The following SEMA6D variants were observed in gnomAD, a reference collection of about 807,000 sequenced individuals.
The protein encoded by SEMA6D is semaphorin 6D.
SEMA6D carries 35 observed loss-of-function variants against 106.6 expected under a neutral mutation model. The observed-to-expected ratio is 0.33, with a 90% CI of 0.25 to 0.44. The LOEUF (loss-of-function observed/expected upper bound fraction) is 0.44. SEMA6D is among the 20% of genes least tolerant of loss of function. The pLI, the probability that SEMA6D is intolerant of heterozygous loss-of-function variation, is 1.00. For missense variants in SEMA6D, 1,185 were observed against 1,345.9 expected (o/e 0.88, Z 1.87); for synonymous variants, 499 against 487.7 (o/e 1.02, Z -0.31).
At chr15:47,730,961 T>C (rs2080082701) in intron 1 of SEMA6D, 4 of 680,428 alleles carry the variant, frequency 5.9e-6, no homozygotes. Flanking sequence ...GAGAGAGCAA[T>C]CTTCCTATTT....
chr15:47,513,301 A>G (rs2044289013), intron 3 of SEMA6D, among the ~76,000 whole-genome samples: 2 of 152,188 alleles, frequency 1.3e-5, no homozygotes, highest in East Asian at 3.9e-4. Context: ...TTATGCTACT[A>G]GTAGCCCACT....
chr15:47,767,138 T>C, intron 17 of SEMA6D, 45 bp downstream of exon 17: 1 of 1,326,730 alleles, frequency 7.5e-7, no homozygotes, highest in Non-Finnish European at 1.1e-6. Flanking sequence ...TTTTCTTTCC[T>C]TCAGTTCAGC....
At chr15:47,372,758 C>T (rs1229828635) in intron 1 of SEMA6D, among the ~76,000 whole-genome samples, 1 of 152,176 alleles carries the variant, frequency 6.6e-6, no homozygotes, top group East Asian at 1.9e-4. Context: ...AAAACTCCAG[C>T]AACTCCCTCC....
chr15:47,315,060 G>C (rs2036608563), intron 1 of SEMA6D, among the ~76,000 whole-genome samples: 2 of 151,294 alleles, frequency 1.3e-5, no homozygotes, highest in African/African-American at 4.9e-5. Context: ...TAGAGACGGG[G>C]TTTCACCGTG....
intron 2 of SEMA6D, among the ~76,000 whole-genome samples, chr15:47,439,750 C>T (rs1000752831): frequency 5.9e-5 from 9 of 152,178 alleles, no homozygotes; most frequent in African/African-American, 2.2e-4. Context: ...CAGACAATAA[C>T]AATCAGATGA....
chr15:47,327,820 T>G (rs549258993), intron 1 of SEMA6D, among the ~76,000 whole-genome samples: 1 of 152,286 alleles, frequency 6.6e-6, no homozygotes, highest in Non-Finnish European at 1.5e-5. Context: ...AGCTAAGACC[T>G]TTTCCAAGAG....
intron 1 of SEMA6D, among the ~76,000 whole-genome samples, chr15:47,215,604 C>G (rs538995829): frequency 4.6e-5 from 7 of 152,006 alleles, no homozygotes; most frequent in Admixed American, 1.3e-4. Context: ...ATATATGAGA[C>G]ACATATTCAT....
At chr15:47,587,947 C>T (rs2076372591) in intron 3 of SEMA6D, among the ~76,000 whole-genome samples, 1 of 152,108 alleles carries the variant, frequency 6.6e-6, no homozygotes, top group Admixed American at 6.5e-5. Flanking sequence ...TTTACTCAGA[C>T]AGTTGCCATC....
chr15:47,517,111 T>C (rs937332356), intron 3 of SEMA6D, among the ~76,000 whole-genome samples: 16 of 152,258 alleles, frequency 1.1e-4, no homozygotes, highest in Middle Eastern at 3.4e-3. Context: ...TTTAGTTCTT[T>C]AGCTGTACAA....
chr15:47,757,614 T>C (rs190514706), intron 1 of SEMA6D, among the ~76,000 whole-genome samples: 2 of 152,332 alleles, frequency 1.3e-5, no homozygotes, highest in East Asian at 3.9e-4. Context: ...TTGTTGGTGA[T>C]TGCTTTTTTG....
chr15:47,250,742 A>G (rs2033471176), intron 1 of SEMA6D, among the ~76,000 whole-genome samples: 1 of 152,198 alleles, frequency 6.6e-6, no homozygotes, highest in African/African-American at 2.4e-5. Context: ...CCAGATTGAG[A>G]GCTGAGGACC....
chr15:47,420,978 CT>C (rs2041135008), intron 2 of SEMA6D, among the ~76,000 whole-genome samples: 1 of 152,052 alleles, frequency 6.6e-6, no homozygotes, highest in Non-Finnish European at 1.5e-5. Context: ...CATAAAATTG[CT>C]ATTTCTCTTC....
chr15:47,704,819 T>C (rs189984013), intron 4 of SEMA6D, among the ~76,000 whole-genome samples: 1 of 152,290 alleles, frequency 6.6e-6, no homozygotes, highest in East Asian at 1.9e-4. Context: ...TATTTTCTTT[T>C]AAAAAAAGGA....
At chr15:47,506,782 A>G (rs1308464890) in intron 3 of SEMA6D, among the ~76,000 whole-genome samples, 1 of 152,212 alleles carries the variant, frequency 6.6e-6, no homozygotes, top group Non-Finnish European at 1.5e-5. Flanking sequence ...CCCATTGAGA[A>G]GAGATATTGA....
intron 4 of SEMA6D, among the ~76,000 whole-genome samples, chr15:47,668,600 G>A (rs1056424121): frequency 1.3e-5 from 2 of 152,150 alleles, no homozygotes; most frequent in Non-Finnish European, 2.9e-5. Context: ...AACCTACAGA[G>A]TGAGACCCTT....
chr15:47,388,000 A>G (rs2039898742), intron 1 of SEMA6D, among the ~76,000 whole-genome samples: 1 of 152,346 alleles, frequency 6.6e-6, no homozygotes, highest in African/African-American at 2.4e-5. Flanking sequence ...TAAAAACTAT[A>G]TTAGTATTTT....
At chr15:47,479,084 G>A (rs2043078355) in intron 3 of SEMA6D, among the ~76,000 whole-genome samples, 1 of 151,956 alleles carries the variant, frequency 6.6e-6, no homozygotes, top group African/African-American at 2.4e-5. Context: ...GATTTGGGTG[G>A]GGACACAGCC....
intron 1 of SEMA6D, among the ~76,000 whole-genome samples, chr15:47,204,554 T>C (rs1170870632): frequency 1.3e-5 from 2 of 152,140 alleles, no homozygotes; most frequent in African/African-American, 4.8e-5. Flanking sequence ...ACTACTTATT[T>C]ATAGGTTTTG....
At chr15:47,705,375 C>CT (rs148414120) in intron 4 of SEMA6D, among the ~76,000 whole-genome samples, 1 of 152,186 alleles carries the variant, frequency 6.6e-6, no homozygotes, top group Non-Finnish European at 1.5e-5. Context: ...ACATCATTTA[C>CT]TTTACCCCTA....
Sources: allele counts gnomAD v4.1 joint callset (sites outside exome capture counted in the v4.1 genomes callset), GRCh38; gene constraint gnomAD v4.1.1; transcripts MANE v1.5; gene names NCBI Gene and HGNC (gene_info 2026-07-23, HGNC 2026-07-21).